Variants in HDLBP observed in about 807,000 individuals in gnomAD.
The protein encoded by HDLBP is vigilin.
In HDLBP, 30 loss-of-function variants were observed where a neutral mutation model predicts 137.3. That is an observed-to-expected ratio of 0.22 (90% CI 0.16 to 0.30). The LOEUF is 0.30. Ranked by LOEUF, HDLBP falls within the 10% of genes least tolerant of loss-of-function variation. The pLI is 1.00. For synonymous variants in HDLBP, 606 were observed against 596.0 expected (o/e 1.02, Z -0.24); for missense variants, 1,119 against 1,667.3 (o/e 0.67, Z 5.73).
At chr2:241,254,951 C>A in intron 9 of HDLBP, 100 bp downstream of exon 9, 2 of 914,704 alleles carry the variant, frequency 2.2e-6, no homozygotes, top group African/African-American at 1.6e-5. Context: ...CACCAGTTTT[C>A]AAGGGCATCC....
intron 1 of HDLBP, among the ~76,000 whole-genome samples, chr2:241,297,659 T>C (rs1410529233): frequency 6.6e-6 from 1 of 151,832 alleles, no homozygotes; most frequent in Non-Finnish European, 1.5e-5. Flanking sequence ...CAGGCCTTCT[T>C]GAAGAAAAGG....
At chr2:241,234,071 G>A (rs2070110193) in intron 23 of HDLBP, 108 bp from the exon 24 acceptor site, 1 of 1,291,358 alleles carries the variant, frequency 7.7e-7, no homozygotes, top group South Asian at 1.3e-5. Flanking sequence ...GCAGTGTTCT[G>A]TAACCCGTGG....
At chr2:241,256,837 G>C in intron 5 of HDLBP, 31 bp from the exon 6 acceptor site, 1 of 1,582,106 alleles carries the variant, frequency 6.3e-7, no homozygotes, top group Non-Finnish European at 8.7e-7. Context: ...AAGAAAACAA[G>C]AATATTTGTA....
Position 241,272,201 on chromosome 2 carries a change from G to T in HDLBP, c.-102-3660C>A. ...CGGGCCCCGCGCGGCAGGTGGAGGT[G>T]CTGCGGGGGCCCCGCCGCCCGGTCT... On this transcript the variant is annotated intron_variant, in intron 1 of 27. Transcript: ENST00000310931. The surrounding 1 kb of genome is among the most constrained non-coding windows in gnomAD (Gnocchi z 5.6). The T allele has an allele frequency of 1.0e-6, 1 of 984,544 alleles. No individual in the cohort carries two copies. Among genetic ancestry groups the T allele is most frequent in the South Asian group, 4.7e-5 (1 of 21,286 alleles). 61.0% of individuals were successfully genotyped at this position (984,544 alleles called of 1,614,324 possible).
rs1317462458 is a variant in HDLBP at position 241,235,189 on chromosome 2, T to C, written c.3076A>G (p.Asn1026Asp). The C allele has an allele frequency of 1.2e-6, 2 of 1,613,998 alleles. No homozygotes were observed. Among genetic ancestry groups the C allele is most frequent in the Non-Finnish European group, 1.7e-6 (2 of 1,180,026 alleles). ...AGTCCAGCCTTGGCCCGGTCCAAAT[T>C]TGCAGCGAGGCCCGTGATGGCGATG... ...DIIAITGLAA[N>D]LDRAKAGLLE... The change falls in exon 23 of 28, where the codon AAT becomes GAT. Residue 1026 changes from asparagine (N) to aspartate (D), a missense_variant. By Grantham distance (23) the Asn-to-Asp change is conservative (BLOSUM62 1). Around this residue, in one of 4 missense-constraint regions of HDLBP, gnomAD observed 618 missense variants for 816.7 expected, o/e 0.76. Transcript: ENST00000310931.
intron 2 of HDLBP, chr2:241,267,904 AT>A (rs2073799809): frequency 1.0e-6 from 1 of 985,312 alleles, no homozygotes; most frequent in Admixed American, 6.1e-5. Flanking sequence ...GCTCAGCGGG[AT>A]ATGGGCTCCG....
rs759426644 is a variant in HDLBP, at chr2:241,230,120, C to T, written c.3591+33G>A. On this transcript the variant is annotated intron_variant, in intron 26 of 27. Coordinates refer to ENST00000310931, the MANE Select transcript of HDLBP (RefSeq NM_005336.6). The surrounding 1 kb of genome is among the most constrained non-coding windows in gnomAD (Gnocchi z 5.0). ...CCTCAGGCCGGTGGACGTGCCAGGG[C>T]GCCTCAGGGCTCCAAGGCCCACAGA... is the stretch of plus-strand genomic sequence containing the variant. The T allele has an allele frequency of 6.9e-6, 11 of 1,584,974 alleles. No individual in the cohort carries two copies. The highest frequency in any genetic ancestry group is 4.4e-5 in the South Asian group (4 of 90,486).
At chr2:241,231,881 T>C (rs1409410690) in intron 24 of HDLBP, among the ~76,000 whole-genome samples, 1 of 98,670 alleles carries the variant, frequency 1.0e-5, no homozygotes, top group Non-Finnish European at 2.6e-5. Context: ...GCAACAGGAC[T>C]AGAGGACGGG....
chr2:241,229,264 A>C lies in HDLBP; in HGVS notation c.*337T>G, dbSNP rs1341142570. 3 of 281,344 alleles carry C rather than the reference A, an allele frequency of 1.1e-5. No homozygotes were observed. Among genetic ancestry groups the C allele is most frequent in the African/African-American group, 4.5e-5 (2 of 44,496 alleles). 17.4% of individuals were successfully genotyped at this position (281,344 alleles called of 1,614,324 possible). ...TATTTCCTGAGGTCATGACACAGGA[A>C]GTGGAATCCTAGCCACGGCTGCGGA... On this transcript the variant is annotated 3_prime_UTR_variant, in exon 28 of 28. Transcript: ENST00000310931.
chr2:241,251,965 G>T (rs2072233304), intron 11 of HDLBP, among the ~76,000 whole-genome samples: 1 of 152,074 alleles, frequency 6.6e-6, no homozygotes, highest in African/African-American at 2.4e-5. Flanking sequence ...GACAGAGCGA[G>T]ACTCCGTCCC....
rs775171873 is a variant in HDLBP, at chr2:241,272,053, C to T, written c.-102-3512G>A. ...GACAGCAACCCCTCGGCCTCCCCGC[C>T]TTTCATCCAAATTCGGTACTTTTCC... On this transcript the variant is annotated intron_variant, in intron 1 of 27. Transcript: ENST00000310931. The surrounding 1 kb of genome is among the most constrained non-coding windows in gnomAD (Gnocchi z 5.6). 3.4e-4 allele frequency: 138 copies of T among 404,160 alleles called. No individual in the cohort carries two copies. Among genetic ancestry groups the T allele is most frequent in the Non-Finnish European group, 4.3e-4 (128 of 298,420 alleles). The allele number at this position is 404,160 out of a possible 1,614,324, so 25.0% of individuals were successfully genotyped here. A position where few individuals can be genotyped will look rare whatever the true frequency, so the allele number is the denominator to read the frequency against.
rs1273843604 is a variant in HDLBP at position 241,272,739 on chromosome 2, CA to C, written c.-102-4199del. 2.4e-6 allele frequency: 1 copy of C among 423,268 alleles called. No homozygotes were observed. Among genetic ancestry groups the C allele is most frequent in the Non-Finnish European group, 3.1e-6 (1 of 319,312 alleles). 26.2% of individuals were successfully genotyped at this position (423,268 alleles called of 1,614,324 possible). A position where few individuals can be genotyped will look rare whatever the true frequency, so the allele number is the denominator to read the frequency against. ...CGTCCGCCCGCCCGCCCAGGCCTCCCAGCCCCGTGTTGCGCGCTCACTCGTG... is the reference window on the plus strand; with the variant it reads ...CGTCCGCCCGCCCGCCCAGGCCTCCCGCCCCGTGTTGCGCGCTCACTCGTG... On this transcript the variant is annotated intron_variant, in intron 1 of 27. Transcript: ENST00000310931. This position sits in a 1 kb window ranked among gnomAD's most constrained non-coding sequence, Gnocchi z 5.6.
intron 1 of HDLBP, chr2:241,273,197 T>C: frequency 2.0e-6 from 2 of 985,474 alleles, no homozygotes; most frequent in Non-Finnish European, 2.4e-6. Context: ...CACCACATCG[T>C]AAACGGATGG....
intron 11 of HDLBP, chr2:241,250,235 TCAAA>T: frequency 2.9e-6 from 1 of 350,866 alleles, no homozygotes; most frequent in Non-Finnish European, 5.1e-6. Context: ...CCCGAGACCT[TCAAA>T]TAACTGACGG....
chr2:241,289,897 C>A (rs2074952850), intron 1 of HDLBP, among the ~76,000 whole-genome samples: 1 of 151,896 alleles, frequency 6.6e-6, no homozygotes, highest in African/African-American at 2.4e-5. Context: ...CCAGCTACTG[C>A]ACGTGTGGGA....
chr2:241,307,818 G>A (rs1284355909), intron 1 of HDLBP, among the ~76,000 whole-genome samples: 1 of 151,626 alleles, frequency 6.6e-6, no homozygotes, highest in East Asian at 1.9e-4. Context: ...ACAACTACAT[G>A]TTGAGTGGAG....
At chr2:241,282,002 T>C (rs1451888525) in intron 1 of HDLBP, among the ~76,000 whole-genome samples, 2 of 152,216 alleles carry the variant, frequency 1.3e-5, no homozygotes, top group East Asian at 3.8e-4. Flanking sequence ...AAATATTTTA[T>C]TACAAATCTT....
rs747633613 is a variant in HDLBP, at chr2:241,240,534, G to A, written c.2170-412C>T. 4.6e-5 allele frequency among the ~76,000 whole-genome samples: 7 copies of A among 152,186 alleles called. No homozygotes were observed. The highest frequency in any genetic ancestry group is 1.0e-4 in the Non-Finnish European group (7 of 68,026). ...GAGCAGGAAGCAAGCTGCCCAAGAG[G>A]TGTGCACCATGCTCCCACTCTTCTA... On this transcript the variant is annotated intron_variant, in intron 17 of 27. Transcript: ENST00000310931. This position sits in a 1 kb window ranked among gnomAD's most constrained non-coding sequence, Gnocchi z 5.5.
chr2:241,246,299 T>C (rs1404251218), intron 16 of HDLBP, among the ~76,000 whole-genome samples: 1 of 152,086 alleles, frequency 6.6e-6, no homozygotes, highest in Non-Finnish European at 1.5e-5. Flanking sequence ...TTTCAGGAGC[T>C]GCCAAGTGGG....
Sources: allele counts gnomAD v4.1 joint callset (sites outside exome capture counted in the v4.1 genomes callset), GRCh38; gene constraint gnomAD v4.1.1; regional missense constraint gnomAD v4.1.1; non-coding constraint Gnocchi (gnomAD v3.1); transcripts MANE v1.5; gene names NCBI Gene and HGNC (gene_info 2026-07-23, HGNC 2026-07-21).